OTOP3: variants seen among roughly 807,000 people sequenced by gnomAD.
OTOP3 encodes the protein proton channel OTOP3.
In OTOP3, 41 loss-of-function variants were observed where a neutral mutation model predicts 50.8. That is an observed-to-expected ratio of 0.81 (90% CI 0.63 to 1.05). The LOEUF (loss-of-function observed/expected upper bound fraction) is 1.05. Among genes scored for constraint, OTOP3 ranks in the 50% least tolerant of loss-of-function variants. The pLI is 0.00. For missense variants in OTOP3, 788 were observed against 760.8 expected (o/e 1.04, Z -0.42); for synonymous variants, 320 against 324.4 (o/e 0.99, Z 0.14).
At chr17:74,936,410 C>T (rs906699663) in intron 1 of OTOP3, among the ~76,000 whole-genome samples, 2 of 152,176 alleles carry the variant, frequency 1.3e-5, no homozygotes, top group East Asian at 1.9e-4. Context: ...GACGGCTCCG[C>T]GGCTTTCATC....
intron 6 of OTOP3, 76 bp from the exon 7 acceptor site, chr17:74,949,170 G>A: frequency 1.3e-6 from 2 of 1,510,970 alleles, no homozygotes; most frequent in Non-Finnish European, 1.8e-6. Context: ...TGCAGGTTTG[G>A]GGGCTGCCTC....
Position 74,949,520 on chromosome 17 carries a change from G to A in OTOP3, c.*104G>A. The stretch of plus-strand genomic sequence containing the variant: ...TTCTGAGGTGCCGAGACCAGCCTGA[G>A]GCTCTCAAGGCCTCCTGCTCCCCAG... On this transcript the variant is annotated 3_prime_UTR_variant, in exon 7 of 7. Coordinates refer to ENST00000328801, the MANE Select transcript of OTOP3 (RefSeq NM_001272005.2). 7.6e-7 allele frequency: 1 copy of A among 1,308,524 alleles called. No homozygotes were observed. Among genetic ancestry groups the A allele is most frequent in the South Asian group, 1.4e-5 (1 of 70,420 alleles). 81.1% of individuals were successfully genotyped at this position (1,308,524 alleles called of 1,614,324 possible). A position where few individuals can be genotyped will look rare whatever the true frequency, so the allele number is the denominator to read the frequency against.
chr17:74,947,745 G>A (rs1009241686), intron 6 of OTOP3, among the ~76,000 whole-genome samples: 1 of 152,186 alleles, frequency 6.6e-6, no homozygotes, highest in African/African-American at 2.4e-5. Flanking sequence ...CATCATCCCT[G>A]GGTTCAGTCA....
At chr17:74,938,772 A>T (rs1337461258) in intron 1 of OTOP3, among the ~76,000 whole-genome samples, 46 of 152,162 alleles carry the variant, frequency 3.0e-4, no homozygotes, top group Admixed American at 3.0e-3. Flanking sequence ...GAGGGCAATT[A>T]GTTGCCTTTG....
intron 1 of OTOP3, among the ~76,000 whole-genome samples, chr17:74,940,331 T>G (rs1239589429): frequency 1.3e-5 from 2 of 152,050 alleles, no homozygotes; most frequent in Non-Finnish European, 2.9e-5. Flanking sequence ...ATTACATAAG[T>G]ACTGTGCTAA....
rs1017420067 is a variant in OTOP3, at chr17:74,949,620, C to T, written c.*204C>T. 2.8e-5 allele frequency: 17 copies of T among 607,792 alleles called. No homozygotes were observed. The highest frequency in any genetic ancestry group is 3.9e-5 in the Non-Finnish European group (14 of 356,288). The allele number at this position is 607,792 out of a possible 1,614,324, so 37.6% of individuals were successfully genotyped here. A position where few individuals can be genotyped will look rare whatever the true frequency, so the allele number is the denominator to read the frequency against. ...GGGCCTGGACACTGAGCTTCTGATG[C>T]CCACGGCCAGGCCTGGGCACATGCC... is the stretch of plus-strand genomic sequence containing the variant. On this transcript the variant is annotated 3_prime_UTR_variant, in exon 7 of 7. Coordinates refer to ENST00000328801, the MANE Select transcript of OTOP3 (RefSeq NM_001272005.2).
At chr17:74,944,269 C>T (rs1233004192) in intron 5 of OTOP3, among the ~76,000 whole-genome samples, 2 of 152,164 alleles carry the variant, frequency 1.3e-5, no homozygotes, top group African/African-American at 4.8e-5. Context: ...ACATGCCCCA[C>T]CCCGCCCCGG....
At chr17:74,944,310 C>T (rs1238765813) in intron 5 of OTOP3, among the ~76,000 whole-genome samples, 1 of 152,208 alleles carries the variant, frequency 6.6e-6, no homozygotes, top group East Asian at 1.9e-4. Flanking sequence ...TGCAGCCCAG[C>T]CCTCCCAGCA....
At position 74,949,540 on chromosome 17, in the gene OTOP3, C is replaced by T. The variant is rs910332553; in HGVS notation, c.*124C>T. On this transcript the variant is annotated 3_prime_UTR_variant, in exon 7 of 7. Coordinates refer to ENST00000328801, the MANE Select transcript of OTOP3 (RefSeq NM_001272005.2). Reference sequence around the variant, plus strand: ...CCTGAGGCTCTCAAGGCCTCCTGCTCCCCAGAGCCTCACTGAAGGGGAGGG... The same window carrying T: ...CCTGAGGCTCTCAAGGCCTCCTGCTTCCCAGAGCCTCACTGAAGGGGAGGG... The T allele has an allele frequency of 1.2e-5, 14 of 1,121,084 alleles. No homozygotes were observed. In the African/African-American group the frequency reaches 2.2e-4, roughly 18 times the overall value. The allele number at this position is 1,121,084 out of a possible 1,614,324, so 69.4% of individuals were successfully genotyped here.
intron 3 of OTOP3, 136 bp downstream of exon 3, chr17:74,942,173 A>G: frequency 9.2e-7 from 1 of 1,082,068 alleles, no homozygotes; most frequent in East Asian, 2.6e-5. Flanking sequence ...TTGCACACAC[A>G]CCACACCCCT....
chr17:74,937,406 G>T (rs1405828879), intron 1 of OTOP3, among the ~76,000 whole-genome samples: 1 of 152,204 alleles, frequency 6.6e-6, no homozygotes, highest in Non-Finnish European at 1.5e-5. Context: ...GATGACAGAG[G>T]TAATAAGTGC....
chr17:74,947,411 A>G lies in OTOP3; in HGVS notation c.1502A>G (p.His501Arg). 6.2e-7 allele frequency: 1 copy of G among 1,612,356 alleles called. No individual in the cohort carries two copies. The highest frequency in any genetic ancestry group is 8.5e-7 in the Non-Finnish European group (1 of 1,179,498). Residue 501 changes from histidine to arginine, a missense_variant, in exon 6 of 7, where the codon CAC (histidine) becomes CGC (arginine). By Grantham distance (29) the His-to-Arg change is conservative. Coordinates refer to ENST00000328801, the MANE Select transcript of OTOP3 (RefSeq NM_001272005.2). The stretch of plus-strand genomic sequence containing the variant: ...CTGGCCTACATCCACTCCTACAGCC[A>G]CCTCAACTGGAAGCGGAGGGCACTC... ...ASLAYIHSYS[H>R]LNWKRRALKE... is the part of the protein sequence containing the mutation.
rs367718753 is a variant in OTOP3, at chr17:74,941,895, G to A, written c.437-6G>A. 9.8e-5 allele frequency: 157 copies of A among 1,600,774 alleles called. No homozygotes were observed. Among genetic ancestry groups the A allele is most frequent in the African/African-American group, 5.1e-4 (38 of 74,724 alleles). On this transcript the variant is annotated splice_region_variant and splice_polypyrimidine_tract_variant and intron_variant, in intron 2 of 6. Coordinates refer to ENST00000328801, the MANE Select transcript of OTOP3 (RefSeq NM_001272005.2). Reference sequence around the variant, plus strand: ...GGTGCCAACGCCCGCCCACATGTCCGGCCAGGTTCCCTAGTGCTCTTCGGC... The same window carrying A: ...GGTGCCAACGCCCGCCCACATGTCCAGCCAGGTTCCCTAGTGCTCTTCGGC...
chr17:74,942,329 T>C (rs1483883177), intron 3 of OTOP3, among the ~76,000 whole-genome samples: 1 of 152,158 alleles, frequency 6.6e-6, no homozygotes, highest in Admixed American at 6.5e-5. Flanking sequence ...GTATAAACCT[T>C]CTCTTAAGAA....
Position 74,947,165 on chromosome 17 carries a change from T to C in OTOP3, c.1256T>C (p.Ile419Thr), listed in dbSNP as rs1312412609. Residue 419 changes from isoleucine (I) to threonine (T), a missense_variant, in exon 6 of 7, where the codon ATT (isoleucine) becomes ACT (threonine). By Grantham distance (89) the Ile-to-Thr change is moderately conservative. Coordinates refer to ENST00000328801, the MANE Select transcript of OTOP3 (RefSeq NM_001272005.2). ...MGIAYFSIVA[I>T]VAKRPHELLN... ...ATCGCCTATTTCTCCATCGTGGCCA[T>C]TGTGGCCAAGCGCCCGCATGAGCTG... 4 of 1,613,918 alleles carry C rather than the reference T, an allele frequency of 2.5e-6. No homozygotes were observed. Among genetic ancestry groups the C allele is most frequent in the African/African-American group, 1.3e-5 (1 of 74,944 alleles).
intron 6 of OTOP3, 132 bp from the exon 7 acceptor site, chr17:74,949,114 G>A: frequency 1.1e-6 from 1 of 889,666 alleles, no homozygotes; most frequent in Non-Finnish European, 1.8e-6. Context: ...AAAGCCCAAG[G>A]GTTAGAAGAA....
chr17:74,943,789 C>A, intron 5 of OTOP3, 65 bp downstream of exon 5: 3 of 1,239,508 alleles, frequency 2.4e-6, no homozygotes, highest in Middle Eastern at 1.9e-4. Flanking sequence ...CACACACACA[C>A]ACACATAAAC....
In OTOP3 at chr17:74,947,104, G is replaced by T. The variant is rs1464745721; in HGVS notation, c.1195G>T (p.Val399Leu). 2 of 1,614,052 alleles carry T rather than the reference G, an allele frequency of 1.2e-6. No homozygotes were observed. The highest frequency in any genetic ancestry group is 2.7e-5 in the African/African-American group (2 of 74,960). The stretch of plus-strand genomic sequence containing the variant: ...GAACCCTACCCGCAGCCTGGATGTG[G>T]TGCTGCTAATGGGTGCTGCACTGGG... ...VKNPTRSLDV[V>L]LLMGAALGQM... Residue 399 changes from valine (V) to leucine (L), a missense_variant, in exon 6 of 7, where the codon GTG (valine) becomes TTG (leucine). By Grantham distance (32) the Val-to-Leu change is conservative. Transcript: ENST00000328801.
In OTOP3 at chr17:74,943,616, A is replaced by G; in HGVS notation, c.643A>G (p.Met215Val). ...VQTNFTRCGLMLTLATNLLLW... is the reference protein window; with the variant it reads ...VQTNFTRCGLVLTLATNLLLW... ...TGGCATTTCCCCCAGGTGTGGCCTG[A>G]TGCTGACCCTGGCCACAAACCTGCT... is the stretch of plus-strand genomic sequence containing the variant. Residue 215 changes from methionine (M) to valine (V), a missense_variant, in exon 5 of 7, where the codon ATG (methionine) becomes GTG (valine). Physicochemically the swap from Met to Val is conservative, Grantham distance 21. Coordinates refer to ENST00000328801, the MANE Select transcript of OTOP3 (RefSeq NM_001272005.2). The G allele has an allele frequency of 1.9e-6, 3 of 1,613,716 alleles. No homozygotes were observed. Among genetic ancestry groups the G allele is most frequent in the Middle Eastern group, 1.7e-4 (1 of 6,058 alleles).
Sources: allele counts gnomAD v4.1 joint callset (sites outside exome capture counted in the v4.1 genomes callset), GRCh38; gene constraint gnomAD v4.1.1; transcripts MANE v1.5; gene names NCBI Gene and HGNC (gene_info 2026-07-23, HGNC 2026-07-21).